Variants in ANKRD36C observed in about 807,000 individuals in gnomAD.
ANKRD36C encodes the protein ankyrin repeat domain 36C.
A neutral mutation model predicts 276.4 loss-of-function variants in ANKRD36C; 61 were observed. That is an observed-to-expected ratio of 0.22 (90% CI 0.18 to 0.27). The LOEUF is 0.27. Among genes scored for constraint, ANKRD36C ranks in the 10% least tolerant of loss-of-function variants. The pLI is 1.00. For synonymous variants in ANKRD36C, 483 were observed against 680.1 expected (o/e 0.71, Z 4.51); for missense variants, 1,447 against 2,032.3 (o/e 0.71, Z 5.54).
intron 14 of ANKRD36C, among the ~76,000 whole-genome samples, chr2:95,953,727 C>A (rs527402254): frequency 0.024 from 3,703 of 151,918 alleles, 133 homozygotes; most frequent in African/African-American, 0.085. Flanking sequence ...TCAGATCACA[C>A]CTCTCAAAGT....
intron 6 of ANKRD36C, among the ~76,000 whole-genome samples, chr2:95,968,543 T>C (rs1358252607): frequency 6.6e-6 from 1 of 152,188 alleles, no homozygotes; most frequent in Non-Finnish European, 1.5e-5. Context: ...AAAACACATA[T>C]TCAACATGAT....
At chr2:95,891,762 A>C (rs1243359823) in intron 45 of ANKRD36C, 25 bp from the exon 66 acceptor site, 1 of 1,564,892 alleles carries the variant, frequency 6.4e-7, no homozygotes, top group Non-Finnish European at 8.7e-7. Context: ...AAATGAAATA[A>C]TAAATTAATA....
rs376275289 is a variant in ANKRD36C at position 95,976,769 on chromosome 2, C to T, written c.799+1353G>A. On this transcript the variant is annotated intron_variant, in intron 6 of 66. Coordinates refer to ENST00000456556, the Ensembl canonical transcript of ANKRD36C. ...AAAATGGTTCTTTTGAAAAGGGTACCGCCAAAGAGCTTTTAAAAGTTAAAT... is the reference window on the plus strand; with the variant it reads ...AAAATGGTTCTTTTGAAAAGGGTACTGCCAAAGAGCTTTTAAAAGTTAAAT... Among the ~76,000 whole-genome samples, 231 of 152,110 alleles carry T rather than the reference C, an allele frequency of 1.5e-3. 8 individuals are homozygous for T. The East Asian group carries it at 0.026, about 17-fold the overall frequency.
intron 44 of ANKRD36C, among the ~76,000 whole-genome samples, chr2:95,896,402 G>A (rs940802022): frequency 4.0e-5 from 6 of 148,564 alleles, no homozygotes; most frequent in African/African-American, 9.9e-5. Flanking sequence ...ACCATTTTAG[G>A]AGTTAGTTAG....
At chr2:95,921,533 C>G in intron 34 of ANKRD36C, 74 bp downstream of exon 34, 1 of 1,542,692 alleles carries the variant, frequency 6.5e-7, no homozygotes, top group Non-Finnish European at 8.7e-7. Context: ...CTGCCCTCCA[C>G]TGATTTATTC....
Position 95,891,972 on chromosome 2 carries a change from C to A in ANKRD36C, c.2756-112G>T, listed in dbSNP as rs1367628775. On this transcript the variant is annotated intron_variant, in intron 44 of 66. Coordinates refer to ENST00000456556, the Ensembl canonical transcript of ANKRD36C. The stretch of plus-strand genomic sequence containing the variant: ...GTCCTCCTGCCTGTATTAGCGTAGG[C>A]TTTGATGGCTTCTACTTTGTGTCTG... The A allele has an allele frequency of 2.0e-6, 3 of 1,505,382 alleles. No individual in the cohort carries two copies. In the Admixed American group the frequency reaches 5.9e-5, roughly 30 times the overall value. 93.3% of individuals were successfully genotyped at this position (1,505,382 alleles called of 1,614,324 possible). A position where few individuals can be genotyped will look rare whatever the true frequency, so the allele number is the denominator to read the frequency against.
chr2:95,990,548 A>G (rs1296123053), intron 1 of ANKRD36C, among the ~76,000 whole-genome samples: 3 of 152,330 alleles, frequency 2.0e-5, no homozygotes, highest in African/African-American at 7.2e-5. Context: ...AAGTTTTCTT[A>G]ATGTCGTCAC....
At chr2:95,964,209 T>C (rs551165095) in intron 6 of ANKRD36C, among the ~76,000 whole-genome samples, 3 of 150,932 alleles carry the variant, frequency 2.0e-5, no homozygotes, top group Admixed American at 6.6e-5. Context: ...TTTTCTAGAT[T>C]AAGCTGCAAC....
At chr2:95,887,845 C>T (rs2104339527) in intron 50 of ANKRD36C, 80 bp downstream of exon 70, 1 of 1,510,170 alleles carries the variant, frequency 6.6e-7, no homozygotes. Context: ...TTTGATGAGC[C>T]CCGCACTGAT....
At chr2:95,972,392 A>C (rs181147231) in intron 6 of ANKRD36C, among the ~76,000 whole-genome samples, 4 of 152,176 alleles carry the variant, frequency 2.6e-5, no homozygotes, top group African/African-American at 4.8e-5. Flanking sequence ...TGCCCATGTG[A>C]TGTCAAAATT....
At chr2:95,870,604 G>C (rs1236032948) in intron 59 of ANKRD36C, among the ~76,000 whole-genome samples, 2 of 152,194 alleles carry the variant, frequency 1.3e-5, no homozygotes, top group Non-Finnish European at 2.9e-5. Context: ...AAAAAGCAGA[G>C]CGCCTCTCCT....
chr2:95,908,954 T>C (rs937027626), intron 42 of ANKRD36C, among the ~76,000 whole-genome samples: 1 of 151,138 alleles, frequency 6.6e-6, no homozygotes, highest in Non-Finnish European at 1.5e-5. Flanking sequence ...TAAAACCATG[T>C]CAATATCAAC....
At chr2:95,892,142 T>C (rs1220958512) in intron 44 of ANKRD36C, among the ~76,000 whole-genome samples, 3 of 151,440 alleles carry the variant, frequency 2.0e-5, no homozygotes, top group Admixed American at 6.6e-5. Flanking sequence ...ATATGTCGAG[T>C]GATGAGGACA....
chr2:95,870,032 A>G (rs1047896150), intron 59 of ANKRD36C, among the ~76,000 whole-genome samples: 1 of 152,266 alleles, frequency 6.6e-6, no homozygotes, highest in Non-Finnish European at 1.5e-5. Flanking sequence ...GGTGGAGCCC[A>G]CCACAGCTCA....
chr2:95,896,517 G>T (rs1182321630), intron 44 of ANKRD36C, among the ~76,000 whole-genome samples: 4 of 149,752 alleles, frequency 2.7e-5, no homozygotes, highest in African/African-American at 9.9e-5. Context: ...GTAGCTCCTT[G>T]AACAAGGAAG....
At chr2:95,869,825 C>T (rs933063321) in intron 59 of ANKRD36C, among the ~76,000 whole-genome samples, 16 of 152,208 alleles carry the variant, frequency 1.1e-4, no homozygotes, top group Non-Finnish European at 1.9e-4. Context: ...TGCACTTTTC[C>T]GATGGGCTTA....
intron 1 of ANKRD36C, 136 bp downstream of exon 1, chr2:95,991,376 C>A: frequency 1.0e-6 from 1 of 981,904 alleles, no homozygotes; most frequent in South Asian, 1.9e-5. Flanking sequence ...TCACTCCCAC[C>A]CCAGCCAGGC....
intron 54 of ANKRD36C, among the ~76,000 whole-genome samples, chr2:95,883,110 G>C (rs1256572934): frequency 6.6e-6 from 1 of 152,022 alleles, no homozygotes; most frequent in Non-Finnish European, 1.5e-5. Flanking sequence ...GCCTACATTT[G>C]TTGTGTCCTC....
At chr2:95,910,504 T>C (rs746126570) in intron 42 of ANKRD36C, 36 bp downstream of exon 45, 55 of 1,604,090 alleles carry the variant, frequency 3.4e-5, no homozygotes, top group Non-Finnish European at 4.5e-5. Flanking sequence ...AGACCATACA[T>C]TAACTCGTTC....
Sources: gnomAD v4.1 joint callset for allele counts (sites outside exome capture counted in the v4.1 genomes callset) on GRCh38, gnomAD v4.1.1 for gene constraint, MANE v1.5 for transcripts, NCBI Gene and HGNC (gene_info 2026-07-23, HGNC 2026-07-21) for gene names.